The following LAMA5 variants were observed in gnomAD, a reference collection of about 807,000 sequenced individuals.
LAMA5 encodes laminin subunit alpha-5.
A neutral mutation model predicts 433.4 loss-of-function variants in LAMA5; 260 were observed. That is an observed-to-expected ratio of 0.60 (90% CI 0.54 to 0.66). The LOEUF (loss-of-function observed/expected upper bound fraction) is 0.66. LAMA5 is among the 30% of genes least tolerant of loss of function. The pLI is 0.00. For missense variants in LAMA5, 5,378 were observed against 5,258.5 expected, an observed-to-expected ratio of 1.02 and a Z score of -0.70; for synonymous variants, 2,620 against 2,226.6, an observed-to-expected ratio of 1.18 and a Z score of -4.97.
At position 62,312,882 on chromosome 20, in the gene LAMA5, C is replaced by T; in HGVS notation, c.9078+6G>A. 6.3e-7 allele frequency: 1 copy of T among 1,592,026 alleles called. No individual in the cohort carries two copies. Among genetic ancestry groups the T allele is most frequent in the Non-Finnish European group, 8.6e-7 (1 of 1,167,920 alleles). On this transcript the variant is annotated splice_donor_region_variant and intron_variant, in intron 66 of 79. Coordinates refer to ENST00000252999, the MANE Select transcript of LAMA5 (RefSeq NM_005560.6). ...CCTGCCACCCTGGTCCCCACCCTGG[C>T]CCTACCGCCTTGCTGGCCGAGGTCA... is the stretch of plus-strand genomic sequence containing the variant.
At position 62,327,614 on chromosome 20, in the gene LAMA5, T is replaced by C. The variant is rs1303667181; in HGVS notation, c.4853A>G (p.Asp1618Gly). 1.2e-6 allele frequency: 2 copies of C among 1,613,076 alleles called. No homozygotes were observed. Among genetic ancestry groups the C allele is most frequent in the Non-Finnish European group, 8.5e-7 (1 of 1,179,998 alleles). ...GGTGCAACCTTTGGGGTTGGCAGCA[T>C]CCAGTGAGAAGGTCCCAAGGCTGCA... ...DQCSLGTFSL[D>G]AANPKGCTRC... is the part of the protein sequence containing the mutation. Residue 1618 changes from aspartate (D) to glycine (G), a missense_variant, in exon 37 of 80, where the codon GAT becomes GGT. Coordinates refer to ENST00000252999, the MANE Select transcript of LAMA5 (RefSeq NM_005560.6).
chr20:62,337,169 CGCGATACGCGCACCCACTTAT>C (rs71195446), intron 16 of LAMA5, among the ~76,000 whole-genome samples: 33,636 of 151,932 alleles, frequency 0.22, 3,891 homozygotes, highest in African/African-American at 0.25. Flanking sequence ...ACTTGAGACA[CGCGATACGCGCACCCACTTAT>C]GCGATACGCG....
At position 62,334,334 on chromosome 20, in the gene LAMA5, C is replaced by T. The variant is rs1476037502; in HGVS notation, c.2591G>A (p.Arg864Lys). The change falls in exon 22 of 80, where the codon AGG becomes AAG. Residue 864 changes from arginine (R) to lysine (K), a missense_variant. By Grantham distance (26) the Arg-to-Lys change is conservative. Coordinates refer to ENST00000252999, the MANE Select transcript of LAMA5 (RefSeq NM_005560.6). ...GTGCAGGTCCGGGAGGTAGTGGTCC[C>T]TCGCAGGCCTGGCCACAGCAGGGGC... The part of the protein sequence containing the change: ...TQGPTCSEPA[R>K]DHYLPDLHHL... 6.2e-7 allele frequency: 1 copy of T among 1,601,494 alleles called. No homozygotes were observed. The highest frequency in any genetic ancestry group is 1.7e-5 in the Admixed American group (1 of 58,524).
Position 62,362,501 on chromosome 20 carries a change from C to A in LAMA5, c.349G>T (p.Ala117Ser). ...TCCGTGCCATCGATGGCATTGCTCG[C>A]GGGGTGTGCCTTGTTGCTGTTGGCA... is the stretch of plus-strand genomic sequence containing the variant. ...TAANSNKAHP[A>S]SNAIDGTERW... Residue 117 changes from alanine (A) to serine (S), a missense_variant, in exon 2 of 80, where the codon GCG becomes TCG. Ala to Ser is a moderately conservative substitution (Grantham distance 99, BLOSUM62 1). Transcript: ENST00000252999. 6.2e-7 allele frequency: 1 copy of A among 1,604,510 alleles called. No homozygotes were observed. Among genetic ancestry groups the A allele is most frequent in the Non-Finnish European group, 8.5e-7 (1 of 1,175,032 alleles).
chr20:62,315,697 C>T lies in LAMA5; in HGVS notation c.7867+251G>A, dbSNP rs180909454. On this transcript the variant is annotated intron_variant, in intron 58 of 79. Coordinates refer to ENST00000252999, the MANE Select transcript of LAMA5 (RefSeq NM_005560.6). ...CCCCAATCCCCCCCAAGGCCTACAGCCCTCCCACCTATAACTCCATTTCTA... is the reference window on the plus strand; with the variant it reads ...CCCCAATCCCCCCCAAGGCCTACAGTCCTCCCACCTATAACTCCATTTCTA... Among the ~76,000 whole-genome samples the T allele has an allele frequency of 5.3e-3, 814 of 152,288 alleles. 6 individuals carry two copies. Among genetic ancestry groups the T allele is most frequent in the African/African-American group, 0.018 (756 of 41,566 alleles).
rs929667438 is a variant in LAMA5, at chr20:62,333,302, G to A, written c.3129-59C>T. 234 of 1,597,722 alleles carry A rather than the reference G, an allele frequency of 1.5e-4. 1 individual carries two copies. The highest frequency in any genetic ancestry group is 2.2e-5 in the South Asian group (2 of 89,266). ...CCACCCAGGTCCCCAGAGACAGCCT[G>A]AGTGGGGGAAGCCAGGCACAGTGGG... On this transcript the variant is annotated intron_variant, in intron 25 of 79. Coordinates refer to ENST00000252999, the MANE Select transcript of LAMA5 (RefSeq NM_005560.6).
intron 1 of LAMA5, among the ~76,000 whole-genome samples, chr20:62,366,108 T>A (rs1445647007): frequency 6.6e-6 from 1 of 152,116 alleles, no homozygotes; most frequent in Non-Finnish European, 1.5e-5. Flanking sequence ...AAGGTGGGGC[T>A]GAGGTGGGGA....
intron 61 of LAMA5, 51 bp downstream of exon 61, chr20:62,314,504 T>C (rs753045577): frequency 2.5e-6 from 4 of 1,608,352 alleles, no homozygotes; most frequent in South Asian, 2.2e-5. Context: ...GCACCGCTCA[T>C]TTCCAAACAG....
In LAMA5 at chr20:62,309,413, T is replaced by G. The variant is rs756279138; in HGVS notation, c.11011A>C (p.Asn3671His). 6.3e-7 allele frequency: 1 copy of G among 1,584,912 alleles called. No homozygotes were observed. Among genetic ancestry groups the G allele is most frequent in the South Asian group, 1.1e-5 (1 of 88,030 alleles). The change falls in exon 80 of 80, where the codon AAC becomes CAC. Residue 3671 changes from asparagine (N) to histidine (H), a missense_variant. Physicochemically the swap from Asn to His is moderately conservative, Grantham distance 68. Transcript: ENST00000252999. ...YCGCMRRLAV[N>H]RSPVAMTRSV... ...CGAGTCATGGCGACGGGGGACCGGT[T>G]CACCGCCAGCCTCCTCATGCAGCCG...
In LAMA5 at chr20:62,337,472, C is replaced by A. The variant is rs192871715; in HGVS notation, c.2164+118G>T. 3 of 1,355,956 alleles carry A rather than the reference C, an allele frequency of 2.2e-6. No homozygotes were observed. The East Asian group carries it at 7.5e-5, about 34-fold the overall frequency. The allele number at this position is 1,355,956 out of a possible 1,614,324, so 84.0% of individuals were successfully genotyped here. A position where few individuals can be genotyped will look rare whatever the true frequency, so the allele number is the denominator to read the frequency against. On this transcript the variant is annotated intron_variant, in intron 16 of 79. Coordinates refer to ENST00000252999, the MANE Select transcript of LAMA5 (RefSeq NM_005560.6). ...CGAACACAGAGCGTGGGGACGCAGT[C>A]GCAGTACACACAGCAAGATGCACGT...
rs1986715512 is a variant in LAMA5 at position 62,314,502 on chromosome 20, C to T, written c.8367+53G>A. The T allele has an allele frequency of 4.4e-6, 7 of 1,607,998 alleles. No homozygotes were observed. The South Asian group carries it at 7.7e-5, about 18-fold the overall frequency. On this transcript the variant is annotated intron_variant, in intron 61 of 79. Coordinates refer to ENST00000252999, the MANE Select transcript of LAMA5 (RefSeq NM_005560.6). ...CGGGGACCAGGGACCAGGCACCGCT[C>T]ATTTCCAAACAGAGCCTGAGCTCGG... is the stretch of plus-strand genomic sequence containing the variant.
At chr20:62,334,744 CT>C (rs377663925) in intron 20 of LAMA5, 123 bp from the exon 21 acceptor site, 3 of 674,556 alleles carry the variant, frequency 4.4e-6, no homozygotes, top group South Asian at 1.9e-5. Flanking sequence ...GGGCTCAGGG[CT>C]CAGGGCTCAG....
In LAMA5 at chr20:62,333,596, C is replaced by T. The variant is rs761409180; in HGVS notation, c.2989G>A (p.Ala997Thr). Residue 997 changes from alanine to threonine, a missense_variant, in exon 24 of 80, where the codon GCC (alanine) becomes ACC (threonine). By Grantham distance (58) the Ala-to-Thr change is moderately conservative (BLOSUM62 0). Coordinates refer to ENST00000252999, the MANE Select transcript of LAMA5 (RefSeq NM_005560.6). ...ACCCCTTCGGCCTCCACACGCAGGG[C>T]CCAGGTGCCAGGGTTCAGCACAAAG... ...EPFVLNPGTW[A>T]LRVEAEGVLL... 6.4e-6 allele frequency: 10 copies of T among 1,572,162 alleles called. No homozygotes were observed. Among genetic ancestry groups the T allele is most frequent in the Non-Finnish European group, 4.3e-6 (5 of 1,159,160 alleles).
chr20:62,311,476 G>A lies in LAMA5; in HGVS notation c.9867C>T (p.Ser3289=), dbSNP rs748873490. The part of the protein sequence containing the change: ...LQQNLGSVNV[S]TGCAPALQAQ... ...CTTGCAGGGCGGGTGCACAGCCCGT[G>A]CTCACATTGACGCTGCCCAGGTTCT... is the stretch of plus-strand genomic sequence containing the variant. The change falls in exon 72 of 80, where the codon AGC becomes AGT. Residue 3289 remains serine, a synonymous_variant. Transcript: ENST00000252999. The A allele has an allele frequency of 3.1e-6, 5 of 1,609,974 alleles. No homozygotes were observed. In the Admixed American group the frequency reaches 8.4e-5, roughly 27 times the overall value.
chr20:62,345,796 T>C, intron 11 of LAMA5, 22 bp downstream of exon 11: 1 of 1,540,942 alleles, frequency 6.5e-7, no homozygotes, highest in Non-Finnish European at 8.8e-7. Flanking sequence ...GCCGGGGACC[T>C]GGGGGCCTCA....
At chr20:62,344,054 G>A (rs1982996650) in intron 11 of LAMA5, among the ~76,000 whole-genome samples, 2 of 144,628 alleles carry the variant, frequency 1.4e-5, no homozygotes, top group South Asian at 4.5e-4. Flanking sequence ...TGAAGCAGAA[G>A]AATCGTTTGA....
At chr20:62,319,310 C>T (rs1358558247) in intron 51 of LAMA5, among the ~76,000 whole-genome samples, 1 of 152,164 alleles carries the variant, frequency 6.6e-6, no homozygotes, top group Non-Finnish European at 1.5e-5. Flanking sequence ...CCAGCTCTCT[C>T]TGACATGGCA....
rs757793823 is a variant in LAMA5, at chr20:62,333,345, C to T, written c.3128+30G>A. 8.1e-6 allele frequency: 13 copies of T among 1,601,036 alleles called. No homozygotes were observed. The East Asian group carries it at 2.5e-4, about 30-fold the overall frequency. On this transcript the variant is annotated intron_variant, in intron 25 of 79. Coordinates refer to ENST00000252999, the MANE Select transcript of LAMA5 (RefSeq NM_005560.6). ...ACAGTGGGGGTCCAGGAAGCCCCCA[C>T]CCCGGTCCCACCGCACGCATGGCCC...
In LAMA5 at chr20:62,346,998, G is replaced by A. The variant is rs373324316; in HGVS notation, c.987C>T (p.Cys329=). 42 of 1,612,008 alleles carry A rather than the reference G, an allele frequency of 2.6e-5. No homozygotes were observed. The highest frequency in any genetic ancestry group is 2.0e-4 in the East Asian group (9 of 44,886). The change falls in exon 7 of 80, where the codon TGC becomes TGT. Residue 329 remains cysteine, a synonymous_variant. Coordinates refer to ENST00000252999, the MANE Select transcript of LAMA5 (RefSeq NM_005560.6). ...RLQCTCQHNT[C]GGTCDRCCPG... ...GGCAGCAGCGGTCGCAGGTGCCCCC[G>A]CAGGTGTTGTGCTGGCAGGTGCACT...
Sources: allele counts gnomAD v4.1 joint callset (sites outside exome capture counted in the v4.1 genomes callset), GRCh38; gene constraint gnomAD v4.1.1; transcripts MANE v1.5; gene names NCBI Gene and HGNC (gene_info 2026-07-23, HGNC 2026-07-21).